The following PRH1 variants were observed in gnomAD, a reference collection of about 807,000 sequenced individuals.
PRH1 encodes proline rich protein HaeIII subfamily 1, also known as salivary acidic proline-rich phosphoprotein 1/2.
In PRH1, 7 loss-of-function variants were observed where a neutral mutation model predicts 7.9. The observed-to-expected ratio is 0.89, with a 90% CI of 0.50 to 1.67. PRH1 has a LOEUF of 1.67. Ranked by LOEUF, PRH1 falls within the 40% of genes most tolerant of loss-of-function variation. The pLI is 0.00. For missense variants in PRH1, 109 were observed against 223.6 expected (o/e 0.49, Z 3.27); for synonymous variants, 45 against 80.8 (o/e 0.56, Z 2.38).
intron 1 of PRH1, chr12:11,021,478 C>T: frequency 2.1e-6 from 1 of 474,464 alleles, no homozygotes; most frequent in Non-Finnish European, 3.7e-6. Flanking sequence ...TATTCACACA[C>T]ATGCACACAT....
At chr12:11,024,484 G>A (rs1371726799) in intron 1 of PRH1, among the ~76,000 whole-genome samples, 4 of 152,054 alleles carry the variant, frequency 2.6e-5, no homozygotes, top group South Asian at 2.1e-4. Flanking sequence ...TAAGGTATTC[G>A]ACCCTAAACT....
intron 2 of PRH1, among the ~76,000 whole-genome samples, chr12:10,918,779 G>A (rs1036252222): frequency 2.6e-5 from 4 of 152,088 alleles, no homozygotes; most frequent in African/African-American, 2.4e-5. Flanking sequence ...CTAAACTTAC[G>A]TTTTTGTTTA....
chr12:11,153,064 T>A (rs1277875672), intron 1 of PRH1, among the ~76,000 whole-genome samples: 1 of 152,174 alleles, frequency 6.6e-6, no homozygotes. Context: ...CAACAGTTAT[T>A]TAAATTATTG....
At chr12:10,947,826 A>G (rs979494217) in intron 2 of PRH1, among the ~76,000 whole-genome samples, 1 of 152,104 alleles carries the variant, frequency 6.6e-6, no homozygotes, top group African/African-American at 2.4e-5. Context: ...AGTTCTGGTG[A>G]TAATAAATTC....
At chr12:11,091,531 G>T (rs768955631) in intron 1 of PRH1, 1 of 1,459,510 alleles carries the variant, frequency 6.9e-7, no homozygotes, top group Non-Finnish European at 9.5e-7. Context: ...ACAAGAGGAA[G>T]GAGATCACAG....
intron 1 of PRH1, chr12:11,091,871 T>C (rs201460452): frequency 0.17 from 145,821 of 871,244 alleles, 47,294 homozygotes; most frequent in Admixed American, 0.24. Context: ...CCTCTTTAAG[T>C]GAAGAAAAAT....
At chr12:11,066,868 A>G (rs1280412194) in intron 1 of PRH1, among the ~76,000 whole-genome samples, 32 of 120,408 alleles carry the variant, frequency 2.7e-4, no homozygotes, top group Admixed American at 2.5e-3. Flanking sequence ...ATTTTCAAGA[A>G]TTTCTTTGCT....
At chr12:11,023,659 T>C (rs1941768874) in intron 1 of PRH1, among the ~76,000 whole-genome samples, 1 of 152,212 alleles carries the variant, frequency 6.6e-6, no homozygotes, top group African/African-American at 2.4e-5. Context: ...TCCTGCTCTT[T>C]TCCACTAACC....
At chr12:11,035,926 C>T (rs984037881) in intron 1 of PRH1, among the ~76,000 whole-genome samples, 1 of 152,170 alleles carries the variant, frequency 6.6e-6, no homozygotes, top group Non-Finnish European at 1.5e-5. Flanking sequence ...GACGGAGTGT[C>T]GCTGTCTCCC....
At chr12:10,890,499 G>C (rs1436513471) in intron 2 of PRH1, among the ~76,000 whole-genome samples, 1 of 151,976 alleles carries the variant, frequency 6.6e-6, no homozygotes, top group East Asian at 1.9e-4. Flanking sequence ...GTTAGAGGCT[G>C]TCACAGTAGC....
upstream of PRH1, among the ~76,000 whole-genome samples, chr12:10,885,044 C>T (rs188057159): frequency 7.2e-5 from 11 of 152,318 alleles, no homozygotes; most frequent in East Asian, 3.9e-4. Context: ...GTGAGCCACA[C>T]GATGTCATAT....
At chr12:11,171,503 C>T (rs1185130773), upstream of PRH1, 4 of 1,232,382 alleles carry the variant, frequency 3.2e-6, no homozygotes, top group Non-Finnish European at 4.0e-6. Context: ...GCATGAACTT[C>T]CCGTACTTCT....
intron 1 of PRH1, among the ~76,000 whole-genome samples, chr12:11,071,757 A>G (rs1204973331): frequency 6.6e-6 from 1 of 152,186 alleles, no homozygotes; most frequent in East Asian, 1.9e-4. Context: ...ACTGACAAGC[A>G]AAACATACAT....
intron 1 of PRH1, among the ~76,000 whole-genome samples, chr12:11,153,134 T>C (rs1194316247): frequency 6.6e-6 from 1 of 152,156 alleles, no homozygotes; most frequent in African/African-American, 2.4e-5. Context: ...GACAAGACAT[T>C]GAGTGAGGCT....
intron 2 of PRH1, among the ~76,000 whole-genome samples, chr12:10,906,765 G>T (rs909565606): frequency 1.3e-5 from 2 of 152,114 alleles, no homozygotes; most frequent in African/African-American, 2.4e-5. Context: ...CAGCCATGTG[G>T]AACTGTCAGT....
Position 11,061,616 on chromosome 12 carries a change from C to T in PRH1, n.124-14428G>A, listed in dbSNP as rs374074547. 16 of 1,614,074 alleles carry T rather than the reference C, an allele frequency of 9.9e-6. No individual in the cohort carries two copies. The highest frequency in any genetic ancestry group is 1.4e-5 in the Non-Finnish European group (16 of 1,179,960). On this transcript the variant is annotated intron_variant and non_coding_transcript_variant, in intron 1 of 4. Transcript: ENST00000541977. ...AGGAAGGAGGTCACAGTTTGCAAAG[C>T]TTTTATGTGGACCTTCATGCTGGGA... is the stretch of plus-strand genomic sequence containing the variant.
chr12:11,020,998 T>C (rs556336782), intron 1 of PRH1, among the ~76,000 whole-genome samples: 3 of 152,366 alleles, frequency 2.0e-5, no homozygotes, highest in Admixed American at 2.0e-4. Flanking sequence ...TTCATTCCTA[T>C]TATAGAAATG....
chr12:11,043,358 A>G (rs1942787323), intron 1 of PRH1, among the ~76,000 whole-genome samples: 1 of 152,184 alleles, frequency 6.6e-6, no homozygotes, highest in Admixed American at 6.5e-5. Flanking sequence ...GGAAAAACTA[A>G]AAGACTTTCC....
intron 1 of PRH1, among the ~76,000 whole-genome samples, chr12:11,109,248 CA>C (rs1945518749): frequency 6.6e-6 from 1 of 152,192 alleles, no homozygotes; most frequent in South Asian, 2.1e-4. Flanking sequence ...GCAGCATCAG[CA>C]GACATAAACT....
Sources: gnomAD v4.1 joint callset for allele counts (sites outside exome capture counted in the v4.1 genomes callset) on GRCh38, gnomAD v4.1.1 for gene constraint, MANE v1.5 for transcripts, NCBI Gene and HGNC (gene_info 2026-07-23, HGNC 2026-07-21) for gene names.